Variants in NRXN3 observed in about 807,000 individuals in gnomAD.
The protein encoded by NRXN3 is neurexin 3.
In NRXN3, 32 loss-of-function variants were observed where a neutral mutation model predicts 137.6. The ratio of observed to expected loss-of-function variants is 0.23; its 90% CI spans 0.18 to 0.31. The LOEUF is 0.31. Among genes scored for constraint, NRXN3 ranks in the 10% least tolerant of loss-of-function variants. The pLI is 1.00. For synonymous variants in NRXN3, 798 were observed against 784.5 expected, an observed-to-expected ratio of 1.02 and a Z score of -0.29; for missense variants, 1,574 against 2,062.5, an observed-to-expected ratio of 0.76 and a Z score of 4.59.
chr14:78,716,848 A>G (rs1189496431), intron 8 of NRXN3, among the ~76,000 whole-genome samples: 1 of 152,224 alleles, frequency 6.6e-6, no homozygotes, highest in Non-Finnish European at 1.5e-5. Context: ...AATTAAAATT[A>G]AAATTCACTG....
At chr14:78,675,562 C>G (rs1034382423) in intron 6 of NRXN3, among the ~76,000 whole-genome samples, 1 of 152,072 alleles carries the variant, frequency 6.6e-6, no homozygotes, top group African/African-American at 2.4e-5. Flanking sequence ...AATTTCAAAG[C>G]TTAAGGATAC....
chr14:78,360,278 C>G (rs1018311470), intron 4 of NRXN3, among the ~76,000 whole-genome samples: 2 of 152,174 alleles, frequency 1.3e-5, no homozygotes, highest in Non-Finnish European at 2.9e-5. Flanking sequence ...ATTAGACCGT[C>G]TAGGGGTCGG....
chr14:79,396,055 A>G (rs923968034), intron 15 of NRXN3, among the ~76,000 whole-genome samples: 4 of 152,180 alleles, frequency 2.6e-5, no homozygotes, highest in Non-Finnish European at 2.9e-5. Context: ...TGTATGTATT[A>G]TATGCATGCA....
At chr14:78,347,303 G>C (rs1003828796) in intron 4 of NRXN3, among the ~76,000 whole-genome samples, 3 of 152,170 alleles carry the variant, frequency 2.0e-5, no homozygotes, top group South Asian at 2.1e-4. Context: ...ACCTGCTCGT[G>C]AGCAATAAAT....
At chr14:79,568,613 A>G (rs1006527581) in intron 16 of NRXN3, among the ~76,000 whole-genome samples, 3 of 152,212 alleles carry the variant, frequency 2.0e-5, no homozygotes, top group Non-Finnish European at 4.4e-5. Flanking sequence ...TGTTTGAGCT[A>G]GAGCCGGGAG....
chr14:78,449,099 C>T (rs905778609), intron 4 of NRXN3, among the ~76,000 whole-genome samples: 4 of 152,170 alleles, frequency 2.6e-5, no homozygotes, highest in African/African-American at 4.8e-5. Flanking sequence ...TCATTCCCTC[C>T]GCAGCCTCCT....
At chr14:78,284,821 A>C (rs2074941731) in intron 3 of NRXN3, among the ~76,000 whole-genome samples, 1 of 152,086 alleles carries the variant, frequency 6.6e-6, no homozygotes, top group South Asian at 2.1e-4. Context: ...CATTGTTCTC[A>C]AGTGGGGCTT....
chr14:78,995,595 A>C (rs2099528353), intron 15 of NRXN3, among the ~76,000 whole-genome samples: 1 of 152,220 alleles, frequency 6.6e-6, no homozygotes, highest in Non-Finnish European at 1.5e-5. Flanking sequence ...TGTAGTGGTG[A>C]AGTTTAGGAG....
At chr14:79,267,102 A>T (rs1400363972) in intron 15 of NRXN3, among the ~76,000 whole-genome samples, 1 of 152,156 alleles carries the variant, frequency 6.6e-6, no homozygotes, top group African/African-American at 2.4e-5. Context: ...TATCATTTGT[A>T]TGTCATTTGT....
intron 13 of NRXN3, among the ~76,000 whole-genome samples, chr14:78,967,950 A>T (rs1362653220): frequency 6.6e-6 from 1 of 151,674 alleles, no homozygotes; most frequent in Non-Finnish European, 1.5e-5. Flanking sequence ...TGATGAATAA[A>T]TTTTTGAGAT....
At chr14:79,491,355 C>T (rs376686654) in intron 16 of NRXN3, among the ~76,000 whole-genome samples, 7 of 152,246 alleles carry the variant, frequency 4.6e-5, no homozygotes, top group South Asian at 4.2e-4. Flanking sequence ...GGCACCCCTA[C>T]GTCATACTAG....
intron 8 of NRXN3, among the ~76,000 whole-genome samples, chr14:78,774,116 G>A (rs1466097081): frequency 6.6e-6 from 1 of 152,018 alleles, no homozygotes; most frequent in Non-Finnish European, 1.5e-5. Context: ...TTTCTTATTT[G>A]CATGCTTTAT....
At chr14:79,219,472 A>G (rs2069141278) in intron 15 of NRXN3, among the ~76,000 whole-genome samples, 1 of 152,120 alleles carries the variant, frequency 6.6e-6, no homozygotes, top group Non-Finnish European at 1.5e-5. Flanking sequence ...TACCATTAGT[A>G]CAATGTGGAA....
intron 4 of NRXN3, among the ~76,000 whole-genome samples, chr14:78,446,604 T>C (rs983535671): frequency 3.9e-5 from 6 of 152,224 alleles, no homozygotes; most frequent in African/African-American, 1.4e-4. Context: ...TCACATTTGA[T>C]AGTTTAAGGG....
At chr14:79,609,818 A>G (rs1390678015) in intron 16 of NRXN3, among the ~76,000 whole-genome samples, 1 of 152,168 alleles carries the variant, frequency 6.6e-6, no homozygotes, top group Non-Finnish European at 1.5e-5. Context: ...AGATTTTTTG[A>G]ACTGAATTTC....
intron 15 of NRXN3, among the ~76,000 whole-genome samples, chr14:79,233,725 A>G (rs1445218992): frequency 1.3e-5 from 2 of 151,198 alleles, no homozygotes; most frequent in Admixed American, 1.3e-4. Flanking sequence ...TATAACGAGG[A>G]TTAGACTTAA....
chr14:78,623,791 C>T (rs570177256), intron 4 of NRXN3, among the ~76,000 whole-genome samples: 2 of 152,186 alleles, frequency 1.3e-5, no homozygotes, highest in Admixed American at 6.5e-5. Flanking sequence ...TGGTCTAAAA[C>T]TCCTGACCTC....
chr14:79,793,648 C>T (rs1457429108), intron 19 of NRXN3, among the ~76,000 whole-genome samples: 2 of 151,964 alleles, frequency 1.3e-5, no homozygotes, highest in African/African-American at 4.8e-5. Context: ...CCCAAAAATC[C>T]AGAAAAAAAA....
intron 20 of NRXN3, among the ~76,000 whole-genome samples, chr14:79,812,868 A>T (rs1603583390): frequency 1.3e-5 from 2 of 152,290 alleles, no homozygotes; most frequent in Admixed American, 1.3e-4. Flanking sequence ...GAGCTTAATG[A>T]CATCATTAAG....
Sources: gnomAD v4.1 joint callset for allele counts (sites outside exome capture counted in the v4.1 genomes callset) on GRCh38, gnomAD v4.1.1 for gene constraint, MANE v1.5 for transcripts, NCBI Gene and HGNC (gene_info 2026-07-23, HGNC 2026-07-21) for gene names.